Variants in MAPT observed in about 807,000 individuals in gnomAD.
MAPT encodes the protein microtubule-associated protein tau.
A neutral mutation model predicts 67.9 loss-of-function variants in MAPT; 34 were observed. The observed-to-expected ratio is 0.50, with a 90% CI of 0.38 to 0.67. The LOEUF is 0.67. Ranked by LOEUF, MAPT falls within the 30% of genes least tolerant of loss-of-function variation. The pLI is 0.00. For missense variants in MAPT, 881 were observed against 1,115.2 expected (o/e 0.79, Z 2.99); for synonymous variants, 456 against 464.5 (o/e 0.98, Z 0.23).
chr17:46,019,776 C>G (rs1255638618), intron 12 of MAPT, among the ~76,000 whole-genome samples: 1 of 151,316 alleles, frequency 6.6e-6, no homozygotes, highest in African/African-American at 2.4e-5. Context: ...CCTTGGGAGG[C>G]GAAGGTGGGC....
chr17:45,928,002 G>GAAAAA (rs35954789), intron 1 of MAPT, among the ~76,000 whole-genome samples: 2 of 55,188 alleles, frequency 3.6e-5, no homozygotes, highest in African/African-American at 7.5e-5. Context: ...TCCGTCTCAG[G>GAAAAA]AAAAAAAAAA....
chr17:45,993,018 C>T (rs1228623880), intron 8 of MAPT, among the ~76,000 whole-genome samples: 1 of 152,144 alleles, frequency 6.6e-6, no homozygotes, highest in Admixed American at 6.5e-5. Context: ...GACTCTGCAC[C>T]ATGTAGGGGT....
intron 1 of MAPT, among the ~76,000 whole-genome samples, chr17:45,931,294 T>C (rs766708849): frequency 1.3e-5 from 2 of 152,198 alleles, no homozygotes; most frequent in Non-Finnish European, 2.9e-5. Context: ...AATCGTGTAA[T>C]GAAATGACTG....
intron 1 of MAPT, among the ~76,000 whole-genome samples, chr17:45,940,075 T>C (rs936699237): frequency 2.0e-5 from 3 of 152,118 alleles, no homozygotes; most frequent in Non-Finnish European, 2.9e-5. Context: ...AGTAGTAAAA[T>C]CTATTAAAGG....
Position 45,989,912 on chromosome 17 carries a change from A to G in MAPT, c.1442A>G (p.Asn481Ser), listed in dbSNP as rs758433606. 6.2e-7 allele frequency: 1 copy of G among 1,614,054 alleles called. No individual in the cohort carries two copies. Among genetic ancestry groups the G allele is most frequent in the African/African-American group, 1.3e-5 (1 of 74,910 alleles). ...STRSSAKTLK[N>S]RPCLSPKHPT... ...CGTTCCTCTGCTAAAACCTTGAAAA[A>G]TAGGCCTTGCCTTAGCCCCAAACAC... is the stretch of plus-strand genomic sequence containing the variant. Residue 481 changes from asparagine to serine, a missense_variant, in exon 7 of 13, where the codon AAT (asparagine) becomes AGT (serine). Asn to Ser is a conservative substitution (Grantham distance 46, BLOSUM62 1). Transcript: ENST00000262410.
At position 45,896,158 on chromosome 17, in the gene MAPT, A is replaced by AC. The variant is rs2063199697; in HGVS notation, c.-18+1477dup. 6.7e-6 allele frequency: 1 copy of AC among 148,270 alleles called. No homozygotes were observed. Among genetic ancestry groups the AC allele is most frequent in the Non-Finnish European group, 1.5e-5 (1 of 67,346 alleles). 9.2% of individuals were successfully genotyped at this position (148,270 alleles called of 1,614,324 possible). A position where few individuals can be genotyped will look rare whatever the true frequency, so the allele number is the denominator to read the frequency against. On this transcript the variant is annotated intron_variant, in intron 1 of 12. Coordinates refer to ENST00000262410, the MANE Select transcript of MAPT (RefSeq NM_001377265.1). This position sits in a 1 kb window ranked among gnomAD's most constrained non-coding sequence, Gnocchi z 5.6. ...TCGATGAACTCGAGTCAACCCCCCG[A>AC]CCCCCGGCACGCATGGAACGGGCGT...
chr17:45,926,936 CACATATATATACATATATGTGTA>C (rs2066367285), intron 1 of MAPT, among the ~76,000 whole-genome samples: 1 of 111,016 alleles, frequency 9.0e-6, no homozygotes, highest in Admixed American at 9.8e-5. Context: ...CACATATATA[CACATATATATACATATATGTGTA>C]TATATATACA....
chr17:45,941,689 T>TCCTTCCTG (rs2067948174), intron 1 of MAPT, among the ~76,000 whole-genome samples: 3 of 59,756 alleles, frequency 5.0e-5, no homozygotes, highest in Admixed American at 2.0e-4. Flanking sequence ...CCTCCTTCCT[T>TCCTTCCTG]CCTTCCTTCC....
At chr17:45,922,650 C>T (rs1449124984) in intron 1 of MAPT, among the ~76,000 whole-genome samples, 3 of 152,186 alleles carry the variant, frequency 2.0e-5, no homozygotes, top group Admixed American at 2.0e-4. Context: ...GAAACCTCCT[C>T]TCTCCAGCAT....
intron 6 of MAPT, 80 bp from the exon 7 acceptor site, chr17:45,989,798 A>G: frequency 7.8e-7 from 1 of 1,277,424 alleles, no homozygotes; most frequent in Non-Finnish European, 1.1e-6. Context: ...ATTTATTTTT[A>G]GTTACTGTCC....
Position 45,991,781 on chromosome 17 carries a change from C to A in MAPT, c.1732+195C>A, listed in dbSNP as rs114790373. ...TCTGAGGCAAATGTTGAATCCCTAC[C>A]TTTTTTTTTTTTTTTCTTTTGAGAC... On this transcript the variant is annotated intron_variant, in intron 8 of 12. Transcript: ENST00000262410. 5.1e-3 allele frequency among the ~76,000 whole-genome samples: 734 copies of A among 143,224 alleles called. 6 individuals are homozygous for A. The highest frequency in any genetic ancestry group is 0.018 in the African/African-American group (691 of 39,182). 94.0% of individuals were successfully genotyped at this position (143,224 alleles called of 152,430 possible).
intron 9 of MAPT, among the ~76,000 whole-genome samples, chr17:45,997,883 G>A (rs994730372): frequency 1.3e-5 from 2 of 152,138 alleles, no homozygotes; most frequent in African/African-American, 2.4e-5. Flanking sequence ...TCTAAGGTAC[G>A]GGGGTGTTGG....
At chr17:46,004,447 T>C (rs2075268794) in intron 9 of MAPT, among the ~76,000 whole-genome samples, 1 of 152,210 alleles carries the variant, frequency 6.6e-6, no homozygotes, top group Non-Finnish European at 1.5e-5. Flanking sequence ...AGGAGTTCCC[T>C]GGATCAAAAT....
chr17:45,998,960 C>A lies in MAPT; in HGVS notation c.1998+2296C>A, dbSNP rs1338115323. 2.0e-5 allele frequency among the ~76,000 whole-genome samples: 3 copies of A among 152,240 alleles called. No homozygotes were observed. In the East Asian group the frequency reaches 5.8e-4, roughly 29 times the overall value. ...ATGCACCCCCATCCTGCTCCAGCAC[C>A]CAGACTGCCATCCAGGATCTCCTCA... On this transcript the variant is annotated intron_variant, in intron 9 of 12. Coordinates refer to ENST00000262410, the MANE Select transcript of MAPT (RefSeq NM_001377265.1).
chr17:45,953,489 C>A (rs1312979059), intron 1 of MAPT, among the ~76,000 whole-genome samples: 1 of 152,190 alleles, frequency 6.6e-6, no homozygotes, highest in East Asian at 1.9e-4. Context: ...GGAGGCTGAG[C>A]CTCCCTGCTT....
At chr17:45,907,347 GGCTAC>G (rs1216878919) in intron 1 of MAPT, among the ~76,000 whole-genome samples, 1 of 152,166 alleles carries the variant, frequency 6.6e-6, no homozygotes, top group Non-Finnish European at 1.5e-5. Context: ...AAGGTCCAGA[GGCTAC>G]GCGTTTCCTC....
At chr17:45,902,290 C>T (rs748820395) in intron 1 of MAPT, among the ~76,000 whole-genome samples, 3 of 152,096 alleles carry the variant, frequency 2.0e-5, no homozygotes, top group Non-Finnish European at 2.9e-5. Context: ...AGGCTGGTCC[C>T]GAACTTCTGA....
intron 1 of MAPT, among the ~76,000 whole-genome samples, chr17:45,956,934 T>G (rs963603319): frequency 2.0e-5 from 3 of 151,928 alleles, no homozygotes; most frequent in African/African-American, 4.8e-5. Context: ...AACTCATCAT[T>G]TTTTATGGCT....
At chr17:46,003,766 C>G (rs1312644085) in intron 9 of MAPT, among the ~76,000 whole-genome samples, 2 of 152,142 alleles carry the variant, frequency 1.3e-5, no homozygotes, top group African/African-American at 2.4e-5. Flanking sequence ...GGGGGCAGAG[C>G]CAGGCTGGGA....
Sources: allele counts gnomAD v4.1 joint callset (sites outside exome capture counted in the v4.1 genomes callset), GRCh38; gene constraint gnomAD v4.1.1; non-coding constraint Gnocchi (gnomAD v3.1); transcripts MANE v1.5; gene names NCBI Gene and HGNC (gene_info 2026-07-23, HGNC 2026-07-21).